WDR4: variants seen among roughly 807,000 people sequenced by gnomAD.
The protein encoded by WDR4 is tRNA (guanine-N(7)-)-methyltransferase non-catalytic subunit WDR4.
In WDR4, 47 loss-of-function variants were observed where a neutral mutation model predicts 48.6. That is an observed-to-expected ratio of 0.97 (90% CI 0.77 to 1.23). The LOEUF is 1.23. Among genes scored for constraint, WDR4 ranks in the 50% most tolerant of loss-of-function variants. The probability of loss-of-function intolerance (pLI) is 0.00; values close to 1 mark genes in which losing one functional copy is unlikely to be tolerated. For missense variants in WDR4, 606 were observed against 551.6 expected (o/e 1.10, Z -0.99); for synonymous variants, 268 against 230.0 (o/e 1.17, Z -1.49).
At chr21:42,880,296 A>T (rs922028099), upstream of WDR4, among the ~76,000 whole-genome samples, 3 of 152,168 alleles carry the variant, frequency 2.0e-5, no homozygotes, top group Non-Finnish European at 4.4e-5. Flanking sequence ...AACTATGGTT[A>T]GTTTCCAGTG....
chr21:42,879,464 C>G lies in WDR4; in HGVS notation c.32G>C (p.Gly11Ala), dbSNP rs575900249. The G allele has an allele frequency of 3.1e-6, 5 of 1,613,724 alleles. No individual in the cohort carries two copies. Among genetic ancestry groups the G allele is most frequent in the East Asian group, 4.5e-5 (2 of 44,854 alleles). The change falls in exon 1 of 11, where the codon GGG becomes GCG. Residue 11 changes from glycine (G) to alanine (A), a missense_variant. By Grantham distance (60) the Gly-to-Ala change is moderately conservative. Coordinates refer to ENST00000398208, the MANE Select transcript of WDR4 (RefSeq NM_018669.6). ...GCCGCCCCGCACCACCAACGTCTGCCCGCACAACGCCAGTCCCACAGAGCC... is the reference window on the plus strand; with the variant it reads ...GCCGCCCCGCACCACCAACGTCTGCGCGCACAACGCCAGTCCCACAGAGCC... The part of the protein sequence containing the change: MAGSVGLALC[G>A]QTLVVRGGSR...
chr21:42,848,051 G>A (rs2057726332), downstream of WDR4, among the ~76,000 whole-genome samples: 1 of 152,232 alleles, frequency 6.6e-6, no homozygotes, highest in Non-Finnish European at 1.5e-5. Flanking sequence ...TTTGCAGACA[G>A]CACTGTTTCC....
chr21:42,859,695 T>C lies in WDR4; in HGVS notation c.594A>G (p.Pro198=), dbSNP rs148106113. ...TEFVSRISVV[P]TQPGLLLSSS... The stretch of plus-strand genomic sequence containing the variant: ...AGGACAGAAGCAGCCCGGGCTGAGT[T>C]GGCACCACGGAGATACGGCTCACAA... Residue 198 remains proline (P), a synonymous_variant, in exon 6 of 11, where the codon CCA becomes CCG. Transcript: ENST00000398208. The C allele has an allele frequency of 3.5e-5, 54 of 1,560,382 alleles. No individual in the cohort carries two copies. The highest frequency in any genetic ancestry group is 5.7e-5 in the Admixed American group (3 of 52,568).
chr21:42,846,031 C>CT (rs780744329), downstream of WDR4, among the ~76,000 whole-genome samples: 1 of 152,090 alleles, frequency 6.6e-6, no homozygotes, highest in Non-Finnish European at 1.5e-5. Flanking sequence ...ACTCAGGAGA[C>CT]TGAGGTGGGA....
chr21:42,865,334 G>A (rs962846892), intron 3 of WDR4, among the ~76,000 whole-genome samples: 5 of 152,166 alleles, frequency 3.3e-5, no homozygotes, highest in South Asian at 2.1e-4. Flanking sequence ...CCCAATGTCC[G>A]ATGGGCTCAT....
At position 42,853,897 on chromosome 21, in the gene WDR4, T is replaced by A. The variant is rs460128; in HGVS notation, c.792-145A>T. 0.066 allele frequency: 59,008 copies of A among 890,014 alleles called. 2,214 individuals are homozygous for A. The highest frequency in any genetic ancestry group is 0.096 in the East Asian group (3,598 of 37,456). 55.1% of individuals were successfully genotyped at this position (890,014 alleles called of 1,614,324 possible). The stretch of plus-strand genomic sequence containing the variant: ...AAGCCCCAGCTGCGCCACTCCCAAA[T>A]GCCGGCGCCGGGGAAACCATGGGGT... On this transcript the variant is annotated intron_variant, in intron 8 of 10. Transcript: ENST00000398208.
At chr21:42,867,024 C>T (rs956411166) in intron 3 of WDR4, among the ~76,000 whole-genome samples, 2 of 152,132 alleles carry the variant, frequency 1.3e-5, no homozygotes, top group African/African-American at 2.4e-5. Context: ...TGCATCAAAT[C>T]ACATGGTCCA....
At chr21:42,850,534 G>A (rs1602688048) in intron 10 of WDR4, among the ~76,000 whole-genome samples, 3 of 152,180 alleles carry the variant, frequency 2.0e-5, no homozygotes, top group South Asian at 4.1e-4. Flanking sequence ...TTGCACGCCC[G>A]GAGAAAGCCA....
chr21:42,859,024 C>T (rs530803196), intron 6 of WDR4, among the ~76,000 whole-genome samples: 2 of 152,176 alleles, frequency 1.3e-5, no homozygotes, highest in South Asian at 2.1e-4. Context: ...ATCCTTCTAA[C>T]ACATTCCTTA....
chr21:42,873,457 C>G, intron 3 of WDR4, 94 bp downstream of exon 3: 1 of 1,540,630 alleles, frequency 6.5e-7, no homozygotes, highest in Non-Finnish European at 8.8e-7. Flanking sequence ...CCACTTATCA[C>G]CCTTATCACC....
At chr21:42,889,485 C>T in the WDR4 span, among the ~76,000 whole-genome samples, 1 of 152,164 alleles carries the variant, frequency 6.6e-6, no homozygotes, top group East Asian at 1.9e-4. Flanking sequence ...GTGGCAACTT[C>T]CTCTGGCGAT....
At chr21:42,848,008 C>T (rs1164528023), downstream of WDR4, among the ~76,000 whole-genome samples, 2 of 152,356 alleles carry the variant, frequency 1.3e-5, no homozygotes, top group East Asian at 1.9e-4. Context: ...TTCTGAAACC[C>T]CTGATCCCCA....
chr21:42,878,906 G>C lies in WDR4; in HGVS notation c.89+501C>G, dbSNP rs2058562668. 3.1e-6 allele frequency: 3 copies of C among 967,192 alleles called. No individual in the cohort carries two copies. The South Asian group carries it at 1.4e-4, about 46-fold the overall frequency. 59.9% of individuals were successfully genotyped at this position (967,192 alleles called of 1,614,324 possible). A position where few individuals can be genotyped will look rare whatever the true frequency, so the allele number is the denominator to read the frequency against. On this transcript the variant is annotated intron_variant, in intron 1 of 10. Transcript: ENST00000398208. ...AGGCCAGGTGAGTGGATGCAGGCCGGGAAGAGGGAACAGACAACCCTGCAA... is the reference window on the plus strand; with the variant it reads ...AGGCCAGGTGAGTGGATGCAGGCCGCGAAGAGGGAACAGACAACCCTGCAA...
rs532557737 is a variant in WDR4, at chr21:42,854,581, C to T, written c.772G>A (p.Val258Met). The T allele has an allele frequency of 1.8e-5, 29 of 1,613,680 alleles. No homozygotes were observed. Among genetic ancestry groups the T allele is most frequent in the Middle Eastern group, 1.6e-4 (1 of 6,082 alleles). ...GCTTACCCGTCGCACAGGAGCGCCA[C>T]GCAGTTCTCCTGGCACCAGAATGCA... The part of the protein sequence containing the change: ...RIAFWCQENC[V>M]ALLCDGTPVV... Residue 258 changes from valine (V) to methionine (M), a missense_variant, in exon 8 of 11, where the codon GTG (valine) becomes ATG (methionine). By Grantham distance (21) the Val-to-Met change is conservative (BLOSUM62 1). Transcript: ENST00000398208.
At chr21:42,861,300 C>G (rs6586253) in intron 5 of WDR4, among the ~76,000 whole-genome samples, 76,825 of 136,414 alleles carry the variant, frequency 0.56, 21,385 homozygotes, top group African/African-American at 0.72. Flanking sequence ...GGCGACACAG[C>G]TAAGAAAGAG....
chr21:42,874,242 T>TCATAGACACTTATCA (rs1177279165), intron 2 of WDR4, among the ~76,000 whole-genome samples: 1 of 152,252 alleles, frequency 6.6e-6, no homozygotes, highest in Non-Finnish European at 1.5e-5. Context: ...TGTGAAGATT[T>TCATAGACACTTATCA]CATAGACACT....
At chr21:42,878,669 G>A (rs1386779553) in intron 1 of WDR4, among the ~76,000 whole-genome samples, 5 of 152,190 alleles carry the variant, frequency 3.3e-5, no homozygotes, top group Non-Finnish European at 7.3e-5. Flanking sequence ...AGAGTCCTGA[G>A]TTAGGACTGT....
Position 42,879,460 on chromosome 21 carries a change from C to G in WDR4, c.36G>C (p.Gln12His). The G allele has an allele frequency of 6.2e-7, 1 of 1,613,824 alleles. No homozygotes were observed. Among genetic ancestry groups the G allele is most frequent in the Non-Finnish European group, 8.5e-7 (1 of 1,179,922 alleles). The change falls in exon 1 of 11, where the codon CAG (glutamine) becomes CAC (histidine). Residue 12 changes from glutamine to histidine, a missense_variant. Transcript: ENST00000398208. The stretch of plus-strand genomic sequence containing the variant: ...GGCTGCCGCCCCGCACCACCAACGT[C>G]TGCCCGCACAACGCCAGTCCCACAG... The part of the protein sequence containing the change: ...AGSVGLALCG[Q>H]TLVVRGGSRF...
intron 10 of WDR4, among the ~76,000 whole-genome samples, chr21:42,851,678 C>T (rs182125907): frequency 1.1e-4 from 16 of 152,296 alleles, no homozygotes; most frequent in Admixed American, 6.5e-4. Context: ...AGAAAATGTT[C>T]GTCCAGCTCC....
Sources: allele counts gnomAD v4.1 joint callset (sites outside exome capture counted in the v4.1 genomes callset), GRCh38; gene constraint gnomAD v4.1.1; transcripts MANE v1.5; gene names NCBI Gene and HGNC (gene_info 2026-07-23, HGNC 2026-07-21).